CALN1: variants seen among roughly 807,000 people sequenced by gnomAD.
CALN1 encodes the protein calcium-binding protein 8.
Under a neutral mutation model 30.6 loss-of-function variants are expected in CALN1, and 17 were observed. The ratio of observed to expected loss-of-function variants is 0.56; its 90% CI spans 0.38 to 0.83. CALN1 has a LOEUF of 0.83. CALN1 is among the 40% of genes least tolerant of loss of function. CALN1 has a pLI of 0.00. For missense variants in CALN1, 291 were observed against 354.9 expected (o/e 0.82, Z 1.45); for synonymous variants, 156 against 131.4 (o/e 1.19, Z -1.28).
intron 5 of CALN1, among the ~76,000 whole-genome samples, chr7:71,854,627 C>T (rs939918843): frequency 1.3e-4 from 20 of 152,088 alleles, no homozygotes. Context: ...TACAAAGTAG[C>T]AATAAAAAGT....
chr7:72,378,423 T>C (rs1217868724), intron 2 of CALN1, among the ~76,000 whole-genome samples: 2 of 152,194 alleles, frequency 1.3e-5, no homozygotes, highest in Non-Finnish European at 2.9e-5. Context: ...TTGACTAGTT[T>C]CCAGAGTTCC....
Position 72,260,402 on chromosome 7 carries a change from A to C in CALN1, c.244+18284T>G, listed in dbSNP as rs144268318. On this transcript the variant is annotated intron_variant, in intron 3 of 6. Coordinates refer to ENST00000395275, the MANE Select transcript of CALN1 (RefSeq NM_031468.4). ...AAAACATCACTACTCATAAACACAC[A>C]CAATATTGTTAAGCTCCACGGGTGC... 1.2e-3 allele frequency among the ~76,000 whole-genome samples: 190 copies of C among 152,266 alleles called. 1 individual carries two copies. The highest frequency in any genetic ancestry group is 4.0e-3 in the African/African-American group (168 of 41,568).
chr7:72,409,501 A>T (rs1029543327), intron 1 of CALN1, among the ~76,000 whole-genome samples: 4 of 144,340 alleles, frequency 2.8e-5, no homozygotes, highest in African/African-American at 1.0e-4. Flanking sequence ...GTCTGAGTGG[A>T]CTGGCCAACC....
At chr7:72,479,570 T>TTTTTTTGG in the CALN1 span, among the ~76,000 whole-genome samples, 1 of 137,622 alleles carries the variant, frequency 7.3e-6, no homozygotes, top group African/African-American at 2.6e-5. Context: ...TTTTTTTTTT[T>TTTTTTTGG]GAGATGGAGT....
intron 6 of CALN1, among the ~76,000 whole-genome samples, chr7:71,807,302 G>A (rs1465095809): frequency 1.3e-5 from 2 of 152,208 alleles, no homozygotes; most frequent in Admixed American, 1.3e-4. Flanking sequence ...GTCCTAGGAT[G>A]CTAAGCAGGT....
chr7:72,180,692 C>T (rs1433975259), intron 3 of CALN1, among the ~76,000 whole-genome samples: 1 of 145,846 alleles, frequency 6.9e-6, no homozygotes, highest in Admixed American at 7.1e-5. Flanking sequence ...ACTGCAATAT[C>T]AAACTCCCAG....
Position 71,784,612 on chromosome 7 carries a change from C to G in CALN1, c.*3163G>C. 2.6e-6 allele frequency: 1 copy of G among 388,902 alleles called. No individual in the cohort carries two copies. The highest frequency in any genetic ancestry group is 4.5e-6 in the Non-Finnish European group (1 of 220,720). 24.1% of individuals were successfully genotyped at this position (388,902 alleles called of 1,614,324 possible). On this transcript the variant is annotated 3_prime_UTR_variant, in exon 7 of 7. Transcript: ENST00000395275. ...CCTTCTCTCCCAAGGAAAATGCCTT[C>G]TTGCTCATCACTTGTGCTTTCCAGG...
intron 3 of CALN1, among the ~76,000 whole-genome samples, chr7:72,173,418 C>A (rs777822717): frequency 1.4e-4 from 21 of 151,970 alleles, no homozygotes; most frequent in Non-Finnish European, 2.8e-4. Flanking sequence ...CAATTACTAT[C>A]AAAATTTAAC....
intron 3 of CALN1, among the ~76,000 whole-genome samples, chr7:72,170,732 G>T (rs1563118228): frequency 1.3e-5 from 2 of 152,138 alleles, no homozygotes; most frequent in South Asian, 2.1e-4. Flanking sequence ...CAGATTTTTT[G>T]AGCAAAGTCA....
intron 5 of CALN1, among the ~76,000 whole-genome samples, chr7:71,967,637 A>G (rs1451067687): frequency 6.9e-6 from 1 of 145,208 alleles, no homozygotes; most frequent in East Asian, 2.1e-4. Flanking sequence ...AAAAAAAAAA[A>G]AAAAAGAAAG....
intron 5 of CALN1, among the ~76,000 whole-genome samples, chr7:71,918,532 G>T (rs567113570): frequency 6.6e-6 from 1 of 152,182 alleles, no homozygotes; most frequent in East Asian, 1.9e-4. Context: ...GGCATGCCAA[G>T]GTTTTTGCTT....
rs1171353147 is a variant in CALN1 at position 72,078,178 on chromosome 7, T to G, written c.388+27973A>C. Reference sequence around the variant, plus strand: ...TAGAAAAGCATATGTTTGGTAAAATTTTTGAATAAATGTTTGCTTTCAGAG... The same window carrying G: ...TAGAAAAGCATATGTTTGGTAAAATGTTTGAATAAATGTTTGCTTTCAGAG... On this transcript the variant is annotated intron_variant, in intron 4 of 6. Coordinates refer to ENST00000395275, the MANE Select transcript of CALN1 (RefSeq NM_031468.4). 5.3e-5 allele frequency among the ~76,000 whole-genome samples: 8 copies of G among 152,076 alleles called. No homozygotes were observed. In the East Asian group the frequency reaches 1.5e-3, roughly 29 times the overall value.
At chr7:71,925,239 G>C (rs541456383) in intron 5 of CALN1, among the ~76,000 whole-genome samples, 13 of 151,950 alleles carry the variant, frequency 8.6e-5, no homozygotes, top group Admixed American at 3.9e-4. Context: ...AGACTCTGAG[G>C]GGGAGAGAGA....
intron 5 of CALN1, among the ~76,000 whole-genome samples, chr7:72,015,393 A>G (rs112185004): frequency 5.9e-5 from 9 of 151,436 alleles, no homozygotes; most frequent in African/African-American, 1.9e-4. Flanking sequence ...TGAATATTCA[A>G]TTTAATAGGT....
chr7:71,899,460 A>G (rs1793732409), intron 5 of CALN1, among the ~76,000 whole-genome samples: 1 of 152,164 alleles, frequency 6.6e-6, no homozygotes, highest in South Asian at 2.1e-4. Flanking sequence ...CTTCTATAAA[A>G]TGCCAAGAAA....
At chr7:72,108,728 C>T (rs1807350682) in intron 3 of CALN1, among the ~76,000 whole-genome samples, 1 of 152,170 alleles carries the variant, frequency 6.6e-6, no homozygotes, top group Admixed American at 6.5e-5. Flanking sequence ...TGGGGGCATC[C>T]ACCATCTTGT....
chr7:72,005,885 A>G (rs1197170886), intron 5 of CALN1, among the ~76,000 whole-genome samples: 1 of 151,664 alleles, frequency 6.6e-6, no homozygotes, highest in East Asian at 1.9e-4. Flanking sequence ...GGTGGTAGAC[A>G]CAGAAACCTA....
intron 1 of CALN1, among the ~76,000 whole-genome samples, chr7:72,408,285 A>AT (rs1477498677): frequency 2.0e-5 from 3 of 146,622 alleles, no homozygotes; most frequent in Non-Finnish European, 4.6e-5. Context: ...AAAAAAAAAA[A>AT]AAAAAATTAG....
At chr7:71,971,953 A>AAGAAAGAAAAGAAAGAAAGAAAG (rs1797838362) in intron 5 of CALN1, among the ~76,000 whole-genome samples, 2 of 72,838 alleles carry the variant, frequency 2.7e-5, no homozygotes, top group African/African-American at 1.4e-4. Flanking sequence ...AAAAAAAAAA[A>AAGAAAGAAAAGAAAGAAAGAAAG]AAAGAAAGAA....
Sources: allele counts gnomAD v4.1 joint callset (sites outside exome capture counted in the v4.1 genomes callset), GRCh38; gene constraint gnomAD v4.1.1; transcripts MANE v1.5; gene names NCBI Gene and HGNC (gene_info 2026-07-23, HGNC 2026-07-21).